Variants in HHIPL1 observed in about 807,000 individuals in gnomAD.
HHIPL1 encodes the protein HHIP like 1.
Under a neutral mutation model 61.8 loss-of-function variants are expected in HHIPL1, and 43 were observed. The ratio of observed to expected loss-of-function variants is 0.70; its 90% CI spans 0.55 to 0.90. HHIPL1 has a LOEUF of 0.90. Ranked by LOEUF, HHIPL1 falls within the 40% of genes least tolerant of loss-of-function variation. The pLI is 0.00. For synonymous variants in HHIPL1, 482 were observed against 515.8 expected (o/e 0.93, Z 0.89); for missense variants, 1,056 against 1,157.7 (o/e 0.91, Z 1.28).
At chr14:99,650,687 C>T (rs896206073) in intron 1 of HHIPL1, among the ~76,000 whole-genome samples, 2 of 152,222 alleles carry the variant, frequency 1.3e-5, no homozygotes, top group Non-Finnish European at 2.9e-5. Context: ...AACAGGCCTC[C>T]CTCCCATGGT....
At chr14:99,628,467 G>C in the HHIPL1 span, among the ~76,000 whole-genome samples, 1 of 151,726 alleles carries the variant, frequency 6.6e-6, no homozygotes, top group Non-Finnish European at 1.5e-5. Context: ...TGTAATCCCA[G>C]CTACTTGGGA....
the HHIPL1 span, among the ~76,000 whole-genome samples, chr14:99,611,293 A>ATT: frequency 5.5e-5 from 7 of 127,360 alleles, no homozygotes; most frequent in Non-Finnish European, 8.5e-5. Context: ...ACCACCTGTA[A>ATT]TTTTTTTTTT....
chr14:99,608,496 G>A, the HHIPL1 span, among the ~76,000 whole-genome samples: 7 of 152,206 alleles, frequency 4.6e-5, no homozygotes, highest in African/African-American at 1.7e-4. Flanking sequence ...GAACTTACAG[G>A]CAGTGTTCAG....
chr14:99,666,687 C>G (rs1415870249), intron 6 of HHIPL1, among the ~76,000 whole-genome samples: 2 of 152,200 alleles, frequency 1.3e-5, no homozygotes, highest in African/African-American at 4.8e-5. Flanking sequence ...GTGGACGGCC[C>G]AAGGCTGTGT....
the HHIPL1 span, among the ~76,000 whole-genome samples, chr14:99,619,111 C>T: frequency 2.6e-5 from 4 of 152,072 alleles, no homozygotes; most frequent in African/African-American, 4.8e-5. Flanking sequence ...CCCGACACCC[C>T]GTGTACTGGC....
the HHIPL1 span, among the ~76,000 whole-genome samples, chr14:99,638,807 A>T: frequency 6.6e-6 from 1 of 152,178 alleles, no homozygotes; most frequent in Non-Finnish European, 1.5e-5. Context: ...TTTCCATTAG[A>T]TGGAGTGTGA....
At chr14:99,616,940 G>T in the HHIPL1 span, among the ~76,000 whole-genome samples, 1 of 152,116 alleles carries the variant, frequency 6.6e-6, no homozygotes, top group African/African-American at 2.4e-5. Context: ...GCACCTTCTA[G>T]GAAGCTTTGG....
Position 99,675,223 on chromosome 14 carries a change from G to A in HHIPL1, c.1946G>A (p.Gly649Glu). 1 of 1,195,418 alleles carries A rather than the reference G, an allele frequency of 8.4e-7. No individual in the cohort carries two copies. 74.1% of individuals were successfully genotyped at this position (1,195,418 alleles called of 1,614,324 possible). ...CCAGCGCGGCCCACCCAGCAGCCAG[G>A]GAGCCGGAGGGGCGGCGGGCGGCGG... ...PRPARPTQQP[G>E]SRRGGGRRRG... The change falls in exon 9 of 9, where the codon GGG becomes GAG. Residue 649 changes from glycine (G) to glutamate (E), a missense_variant. Coordinates refer to ENST00000330710, the MANE Select transcript of HHIPL1 (RefSeq NM_001127258.3). This position sits in a 1 kb window ranked among gnomAD's most constrained non-coding sequence, Gnocchi z 5.4.
chr14:99,668,408 C>A lies in HHIPL1; in HGVS notation c.1730+105C>A. On this transcript the variant is annotated intron_variant, in intron 7 of 8. Transcript: ENST00000330710. The surrounding 1 kb of genome is among the most constrained non-coding windows in gnomAD (Gnocchi z 4.7). ...GCCCTCAGGTGGGTGGTATTAATCC[C>A]CATTTTCAGACAAGAACCCTGAGGC... The A allele has an allele frequency of 2.8e-6, 2 of 723,896 alleles. No homozygotes were observed. The highest frequency in any genetic ancestry group is 5.2e-5 in the East Asian group (2 of 38,492). The allele number at this position is 723,896 out of a possible 1,614,324, so 44.8% of individuals were successfully genotyped here. A position where few individuals can be genotyped will look rare whatever the true frequency, so the allele number is the denominator to read the frequency against.
the HHIPL1 span, among the ~76,000 whole-genome samples, chr14:99,616,780 G>A: frequency 6.6e-6 from 1 of 152,134 alleles, no homozygotes; most frequent in African/African-American, 2.4e-5. Flanking sequence ...GAAGCTAGAG[G>A]ACCACAGAAT....
the HHIPL1 span, among the ~76,000 whole-genome samples, chr14:99,623,793 C>T: frequency 5.9e-5 from 9 of 152,146 alleles, no homozygotes; most frequent in African/African-American, 2.2e-4. Flanking sequence ...CCCGAGCCTG[C>T]TGTACCTGTG....
At position 99,679,059 on chromosome 14, in the gene HHIPL1, C is replaced by G. The variant is rs1412359086; in HGVS notation, c.*3433C>G. ...CATTTACTCACGTGGAAGCCGAGTT[C>G]CAGGGCATTTGTCACTTACCAAATG... On this transcript the variant is annotated 3_prime_UTR_variant, in exon 9 of 9. Coordinates refer to ENST00000330710, the MANE Select transcript of HHIPL1 (RefSeq NM_001127258.3). The G allele has an allele frequency of 6.6e-6, 1 of 152,232 alleles. No individual in the cohort carries two copies. Among genetic ancestry groups the G allele is most frequent in the African/African-American group, 2.4e-5 (1 of 41,450 alleles). The allele number at this position is 152,232 out of a possible 1,614,324, so 9.4% of individuals were successfully genotyped here. A position where few individuals can be genotyped will look rare whatever the true frequency, so the allele number is the denominator to read the frequency against.
chr14:99,663,977 A>G (rs1227768603), intron 6 of HHIPL1, among the ~76,000 whole-genome samples: 1 of 152,164 alleles, frequency 6.6e-6, no homozygotes. Context: ...AAACCACATA[A>G]TTATTTCAAA....
the HHIPL1 span, among the ~76,000 whole-genome samples, chr14:99,634,957 G>A: frequency 1.3e-5 from 2 of 152,140 alleles, no homozygotes; most frequent in African/African-American, 2.4e-5. Context: ...CTTCACCCAC[G>A]CCGCCTGTCA....
the HHIPL1 span, among the ~76,000 whole-genome samples, chr14:99,620,989 G>A: frequency 1.8e-4 from 27 of 152,360 alleles, no homozygotes; most frequent in Admixed American, 2.6e-4. Context: ...GTCCCTAGAG[G>A]TGAACAAGCT....
chr14:99,670,383 A>AT (rs1232302480), intron 7 of HHIPL1, among the ~76,000 whole-genome samples: 1 of 152,104 alleles, frequency 6.6e-6, no homozygotes, highest in African/African-American at 2.4e-5. Context: ...AAGTGCTGGG[A>AT]TTACGGGTGT....
At chr14:99,618,830 G>T in the HHIPL1 span, among the ~76,000 whole-genome samples, 1 of 152,206 alleles carries the variant, frequency 6.6e-6, no homozygotes, top group South Asian at 2.1e-4. Context: ...GAATGCGAGG[G>T]GTGCACATCT....
the HHIPL1 span, among the ~76,000 whole-genome samples, chr14:99,635,302 A>C: frequency 6.6e-6 from 1 of 152,056 alleles, no homozygotes; most frequent in African/African-American, 2.4e-5. Flanking sequence ...GCAGTTGAAG[A>C]GTTTGGACAG....
At chr14:99,669,599 A>G (rs2140092128) in intron 7 of HHIPL1, among the ~76,000 whole-genome samples, 1 of 152,366 alleles carries the variant, frequency 6.6e-6, no homozygotes, top group South Asian at 2.1e-4. Flanking sequence ...TTAATTTTAC[A>G]AAAAGAAAAA....
Sources: gnomAD v4.1 joint callset for allele counts (sites outside exome capture counted in the v4.1 genomes callset) on GRCh38, gnomAD v4.1.1 for gene constraint, Gnocchi (gnomAD v3.1) non-coding constraint, MANE v1.5 for transcripts, NCBI Gene and HGNC (gene_info 2026-07-23, HGNC 2026-07-21) for gene names.